The following TTC21B variants were observed in gnomAD, a reference collection of about 807,000 sequenced individuals.
TTC21B encodes tetratricopeptide repeat protein 21B.
Under a neutral mutation model 175.1 loss-of-function variants are expected in TTC21B, and 127 were observed. The observed-to-expected ratio is 0.73, with a 90% CI of 0.63 to 0.84. The LOEUF is 0.84. Among genes scored for constraint, TTC21B ranks in the 40% least tolerant of loss-of-function variants. TTC21B has a pLI of 0.00. For synonymous variants in TTC21B, 524 were observed against 524.5 expected, an observed-to-expected ratio of 1.00 and a Z score of 0.01; for missense variants, 1,561 against 1,558.3, an observed-to-expected ratio of 1.00 and a Z score of -0.03.
In TTC21B at chr2:165,929,144, A is replaced by T. The variant is rs1183062277; in HGVS notation, c.1377T>A (p.Cys459Ter). Residue 459 changes from cysteine to a stop codon, truncating the protein, a stop_gained, in exon 11 of 29, where the codon TGT (cysteine) becomes TGA (stop). Transcript: ENST00000243344. LOFTEE classifies it high-confidence loss of function. ...TCCCATAATTACTTACCTGCATTGG[A>T]CAGAAGCTCAGATACTCCATAACAA... Reference protein sequence around the residue: ...LEIVMEYLSFCPMQPASPGQP... With the variant: ...LEIVMEYLSF The T allele has an allele frequency of 1.2e-6, 2 of 1,612,570 alleles. No individual in the cohort carries two copies. Among genetic ancestry groups the T allele is most frequent in the African/African-American group, 2.7e-5 (2 of 74,880 alleles).
At chr2:165,912,449 C>T (rs1227210042) in intron 17 of TTC21B, 65 bp downstream of exon 17, 34 of 1,261,668 alleles carry the variant, frequency 2.7e-5, no homozygotes, top group Non-Finnish European at 3.6e-5. Flanking sequence ...CTCGCTGAAG[C>T]TTCTCGAGGA....
In TTC21B at chr2:165,945,646, G is replaced by A. The variant is rs760729865; in HGVS notation, c.307C>T (p.Arg103Cys). ...LESDARVKEQ[R>C]KGAGEKALYH... Reference sequence around the variant, plus strand: ...AAGGCTTTCTCTCCAGCTCCTTTACGTTGTTCCTTCACTCTGGCATCTGAT... The same window carrying A: ...AAGGCTTTCTCTCCAGCTCCTTTACATTGTTCCTTCACTCTGGCATCTGAT... Residue 103 changes from arginine to cysteine, a missense_variant, in exon 4 of 29, where the codon CGT (arginine) becomes TGT (cysteine). Coordinates refer to ENST00000243344, the MANE Select transcript of TTC21B (RefSeq NM_024753.5). The A allele has an allele frequency of 1.9e-5, 30 of 1,613,434 alleles. No individual in the cohort carries two copies. The highest frequency in any genetic ancestry group is 3.3e-5 in the South Asian group (3 of 91,048).
Position 165,883,837 on chromosome 2 carries a change from T to C in TTC21B, c.3641A>G (p.Asp1214Gly). ...ADIYIQSAKY[D>G]MAEDLLKRCL... ...CCGTTTTAACAGGTCTTCTGCCATG[T>C]CATATTTTGCTGATTGAATGTAAAT... is the stretch of plus-strand genomic sequence containing the variant. Residue 1214 changes from aspartate to glycine, a missense_variant, in exon 26 of 29, where the codon GAC (aspartate) becomes GGC (glycine). Coordinates refer to ENST00000243344, the MANE Select transcript of TTC21B (RefSeq NM_024753.5). The C allele has an allele frequency of 6.2e-7, 1 of 1,614,070 alleles. No homozygotes were observed. Among genetic ancestry groups the C allele is most frequent in the Non-Finnish European group, 8.5e-7 (1 of 1,179,974 alleles).
chr2:165,912,683 A>C, intron 16 of TTC21B, 59 bp from the exon 17 acceptor site: 1 of 1,211,516 alleles, frequency 8.3e-7, no homozygotes, highest in Non-Finnish European at 1.2e-6. Context: ...GGTCCCATTA[A>C]AGGGCAACAG....
intron 18 of TTC21B, among the ~76,000 whole-genome samples, chr2:165,910,672 T>C (rs1178560166): frequency 3.3e-5 from 5 of 152,116 alleles, no homozygotes; most frequent in African/African-American, 9.7e-5. Context: ...TGCCTGTAGA[T>C]AGAATAATAT....
chr2:165,936,260 T>C (rs1006253964), intron 6 of TTC21B, among the ~76,000 whole-genome samples: 3 of 151,970 alleles, frequency 2.0e-5, no homozygotes, highest in Admixed American at 1.3e-4. Flanking sequence ...GACATCCACA[T>C]GGAAAAAATG....
intron 26 of TTC21B, among the ~76,000 whole-genome samples, chr2:165,882,771 G>C (rs1257877461): frequency 6.6e-6 from 1 of 152,124 alleles, no homozygotes. Flanking sequence ...GCAATGTATT[G>C]TTATCAGCGT....
intron 1 of TTC21B, among the ~76,000 whole-genome samples, chr2:165,953,138 C>T (rs1286912825): frequency 1.3e-5 from 2 of 152,210 alleles, no homozygotes; most frequent in Non-Finnish European, 2.9e-5. Flanking sequence ...TTTCAAGCCT[C>T]ATGTCTTTAA....
In TTC21B at chr2:165,912,509, C is replaced by G. The variant is rs1400294383; in HGVS notation, c.2322+5G>C. 6.2e-7 allele frequency: 1 copy of G among 1,606,582 alleles called. No homozygotes were observed. The highest frequency in any genetic ancestry group is 8.5e-7 in the Non-Finnish European group (1 of 1,173,192). The stretch of plus-strand genomic sequence containing the variant: ...CAGACATATTTCAAACAATAAAGTA[C>G]TTACCATTGAGTAGTTATGAGTTTT... On this transcript the variant is annotated splice_donor_5th_base_variant and intron_variant, in intron 17 of 28. Coordinates refer to ENST00000243344, the MANE Select transcript of TTC21B (RefSeq NM_024753.5).
chr2:165,918,971 G>A (rs1479105476), intron 13 of TTC21B, among the ~76,000 whole-genome samples: 3 of 151,952 alleles, frequency 2.0e-5, no homozygotes, highest in Admixed American at 2.0e-4. Context: ...CTTCATTATT[G>A]CATTTAATTC....
chr2:165,888,558 A>G, intron 24 of TTC21B, 84 bp from the exon 25 acceptor site: 1 of 1,040,626 alleles, frequency 9.6e-7, no homozygotes, highest in Non-Finnish European at 1.5e-6. Flanking sequence ...TGTACACAAA[A>G]GCTCTGGGCA....
At chr2:165,953,651 G>GCCCGCTCACCCGCTCGCCCGCTCA (rs1553517187) in intron 1 of TTC21B, 34 bp downstream of exon 1, 19 of 1,512,070 alleles carry the variant, frequency 1.3e-5, no homozygotes, top group South Asian at 1.1e-4. Context: ...CCGCCCGCCC[G>GCCCGCTCACCCGCTCGCCCGCTCA]CCCGCTCACC....
intron 22 of TTC21B, 188 bp downstream of exon 22, chr2:165,898,498 T>G: frequency 1.6e-6 from 1 of 641,788 alleles, no homozygotes; most frequent in Non-Finnish European, 2.8e-6. Flanking sequence ...TAATTTAAAG[T>G]GAGACCAGTC....
chr2:165,881,513 T>A (rs1684834423), intron 26 of TTC21B, among the ~76,000 whole-genome samples: 1 of 152,144 alleles, frequency 6.6e-6, no homozygotes, highest in Non-Finnish European at 1.5e-5. Context: ...TTTCTTGAAA[T>A]TAAATGTAAT....
chr2:165,884,078 A>G, intron 25 of TTC21B, 60 bp from the exon 26 acceptor site: 1 of 1,343,974 alleles, frequency 7.4e-7, no homozygotes. Context: ...CCAAAAACAT[A>G]CAGAAAGCAG....
At chr2:165,922,797 A>G (rs1034431096) in intron 12 of TTC21B, among the ~76,000 whole-genome samples, 8 of 152,198 alleles carry the variant, frequency 5.3e-5, no homozygotes, top group Non-Finnish European at 1.0e-4. Context: ...TGTTTCTTGC[A>G]GTACAATTCA....
At chr2:165,881,444 C>A (rs1430418321) in intron 26 of TTC21B, among the ~76,000 whole-genome samples, 1 of 152,046 alleles carries the variant, frequency 6.6e-6, no homozygotes, top group Non-Finnish European at 1.5e-5. Flanking sequence ...ATGTTTTGAT[C>A]TAGTCTCTTG....
intron 23 of TTC21B, 39 bp from the exon 24 acceptor site, chr2:165,890,679 T>C: frequency 6.3e-7 from 1 of 1,595,672 alleles, no homozygotes; most frequent in Non-Finnish European, 8.6e-7. Context: ...TTTCAATCAC[T>C]GACTACAAAA....
chr2:165,949,867 T>A, intron 1 of TTC21B, 143 bp from the exon 2 acceptor site: 2 of 736,078 alleles, frequency 2.7e-6, no homozygotes, highest in Non-Finnish European at 4.5e-6. Flanking sequence ...AAAATACTAT[T>A]AATGGCTAGA....
Sources: gnomAD v4.1 joint callset for allele counts (sites outside exome capture counted in the v4.1 genomes callset) on GRCh38, gnomAD v4.1.1 for gene constraint, MANE v1.5 for transcripts, NCBI Gene and HGNC (gene_info 2026-07-23, HGNC 2026-07-21) for gene names.